The following POLE variants were observed in gnomAD, a reference collection of about 807,000 sequenced individuals.
The protein encoded by POLE is DNA polymerase epsilon catalytic subunit A.
In POLE, 188 loss-of-function variants were observed where a neutral mutation model predicts 279.2. That is an observed-to-expected ratio of 0.67 (90% confidence interval 0.60 to 0.76). The LOEUF (loss-of-function observed/expected upper bound fraction) is 0.76. Ranked by LOEUF, POLE falls within the 30% of genes least tolerant of loss-of-function variation. The pLI is 0.00. For missense variants in POLE, 2,703 were observed against 3,016.7 expected, an observed-to-expected ratio of 0.90 and a Z score of 2.44; for synonymous variants, 1,214 against 1,172.5, an observed-to-expected ratio of 1.04 and a Z score of -0.72.
At chr12:132,625,532 T>C in intron 47 of POLE, 113 bp downstream of exon 47, 2 of 1,378,362 alleles carry the variant, frequency 1.5e-6, no homozygotes, top group Non-Finnish European at 2.0e-6. Flanking sequence ...GGCAGGCCCC[T>C]TGGAAGACAC....
intron 9 of POLE, 48 bp downstream of exon 9, chr12:132,676,498 A>T: frequency 8.7e-7 from 1 of 1,144,146 alleles, no homozygotes; most frequent in Non-Finnish European, 1.3e-6. Context: ...TGGGGACCAG[A>T]CAAGGTCCCC....
intron 29 of POLE, among the ~76,000 whole-genome samples, chr12:132,650,098 A>G (rs1018160142): frequency 6.6e-6 from 1 of 152,096 alleles, no homozygotes; most frequent in Non-Finnish European, 1.5e-5. Context: ...GTCCCAAGCT[A>G]CTTGGTAGGC....
Position 132,625,423 on chromosome 12 carries a change from G to A in POLE, c.6657+222C>T, listed in dbSNP as rs533958647. On this transcript the variant is annotated intron_variant, in intron 47 of 48. Transcript: ENST00000320574. The stretch of plus-strand genomic sequence containing the variant: ...TGGGAGTGTCTGCCTCCTTCCGCTA[G>A]AACGAAGCACCCACAAGGCCAGCTC... 11 of 763,566 alleles carry A rather than the reference G, an allele frequency of 1.4e-5. No individual in the cohort carries two copies. In the African/African-American group the frequency reaches 1.7e-4, roughly 12 times the overall value. 47.3% of individuals were successfully genotyped at this position (763,566 alleles called of 1,614,324 possible).
chr12:132,631,667 A>C (rs2041936392), intron 45 of POLE, among the ~76,000 whole-genome samples: 2 of 152,096 alleles, frequency 1.3e-5, no homozygotes, highest in Admixed American at 1.3e-4. Context: ...CCTTGGACTC[A>C]GCCTGCCTTT....
chr12:132,640,254 C>T (rs1325215043), intron 39 of POLE, among the ~76,000 whole-genome samples: 1 of 152,254 alleles, frequency 6.6e-6, no homozygotes. Context: ...GGCACCCTCC[C>T]TGCCCAGGAG....
intron 29 of POLE, among the ~76,000 whole-genome samples, chr12:132,652,885 T>A (rs1280522018): frequency 6.6e-6 from 1 of 152,216 alleles, no homozygotes; most frequent in Non-Finnish European, 1.5e-5. Flanking sequence ...TGGTTATTCT[T>A]ATCCTTACCC....
rs780192918 is a variant in POLE at position 132,624,829 on chromosome 12, A to C, written c.6748-19T>G. The C allele has an allele frequency of 1.9e-6, 3 of 1,595,934 alleles. No individual in the cohort carries two copies. In the South Asian group the frequency reaches 3.3e-5, roughly 18 times the overall value. On this transcript the variant is annotated intron_variant, in intron 48 of 48. Transcript: ENST00000320574. Reference sequence around the variant, plus strand: ...TGAAGACCTGCAGGAATAAACAGGCACAGTGAGACCCCAGTCCACTCAGAG... The same window carrying C: ...TGAAGACCTGCAGGAATAAACAGGCCCAGTGAGACCCCAGTCCACTCAGAG...
chr12:132,626,088 G>A lies in POLE; in HGVS notation c.6531+29C>T, dbSNP rs755715342. 48 of 1,567,642 alleles carry A rather than the reference G, an allele frequency of 3.1e-5. No homozygotes were observed. Among genetic ancestry groups the A allele is most frequent in the Non-Finnish European group, 4.1e-5 (47 of 1,156,222 alleles). ...GTGCCCTCGGATGTTCTGCTCCACAGTGAAGGGCCCGCTGGAGCTCAGCCG... is the reference window on the plus strand; with the variant it reads ...GTGCCCTCGGATGTTCTGCTCCACAATGAAGGGCCCGCTGGAGCTCAGCCG... On this transcript the variant is annotated intron_variant, in intron 46 of 48. Transcript: ENST00000320574.
At position 132,636,424 on chromosome 12, in the gene POLE, C is replaced by T. The variant is rs2042033587; in HGVS notation, c.5679-400G>A. Among the ~76,000 whole-genome samples the T allele has an allele frequency of 5.0e-5, 6 of 119,284 alleles. No homozygotes were observed. In the South Asian group the frequency reaches 1.9e-3, roughly 37 times the overall value. The allele number at this position is 119,284 out of a possible 152,430, so 78.3% of individuals were successfully genotyped here. ...CCTAGCGCTGACCCAATCCTCTGCA[C>T]ATTAGATCCATTTAAGGAAAAAAAA... On this transcript the variant is annotated intron_variant, in intron 41 of 48. Coordinates refer to ENST00000320574, the MANE Select transcript of POLE (RefSeq NM_006231.4).
intron 4 of POLE, 43 bp from the exon 5 acceptor site, chr12:132,680,089 C>T: frequency 6.3e-7 from 1 of 1,595,314 alleles, no homozygotes. Context: ...TGGTAAAATA[C>T]ATTTCCTTCC....
chr12:132,662,804 GGGAACACGTGGAGCA>G (rs1309326060), intron 23 of POLE, among the ~76,000 whole-genome samples: 3 of 152,148 alleles, frequency 2.0e-5, no homozygotes, highest in Non-Finnish European at 4.4e-5. Flanking sequence ...GTGGCCCAAG[GGGAACACGTGGAGCA>G]GGAAGCCACT....
Position 132,672,278 on chromosome 12 carries a change from G to A in POLE, c.1731C>T (p.Thr577=), listed in dbSNP as rs1164316162. ...CCTCTTCCTCAAGGGCGTGGCGCAA[G>A]GTCTTCTCAACCCGCTGCAGCAGGA... is the stretch of plus-strand genomic sequence containing the variant. The part of the protein sequence containing the change: ...FDFLLQRVEK[T]LRHALEEEEK... The change falls in exon 16 of 49, where the codon ACC becomes ACT. Residue 577 remains threonine, a synonymous_variant. Transcript: ENST00000320574. 6.2e-7 allele frequency: 1 copy of A among 1,614,214 alleles called. No individual in the cohort carries two copies. The highest frequency in any genetic ancestry group is 8.5e-7 in the Non-Finnish European group (1 of 1,180,022).
In POLE at chr12:132,649,549, G is replaced by A. The variant is rs2138611018; in HGVS notation, c.3796-34C>T. 1.2e-6 allele frequency: 2 copies of A among 1,604,764 alleles called. No homozygotes were observed. Among genetic ancestry groups the A allele is most frequent in the Non-Finnish European group, 1.7e-6 (2 of 1,173,818 alleles). ...GATGGTGAGCACAGCCAGTGTGCAA[G>A]TGGTGAGATGGGAATGCCCGCCATG... On this transcript the variant is annotated intron_variant, in intron 30 of 48. Coordinates refer to ENST00000320574, the MANE Select transcript of POLE (RefSeq NM_006231.4).
chr12:132,659,370 T>C lies in POLE; in HGVS notation c.3200A>G (p.Gln1067Arg). The change falls in exon 26 of 49, where the codon CAG (glutamine) becomes CGG (arginine). Residue 1067 changes from glutamine (Q) to arginine (R), a missense_variant. Gln to Arg is a conservative substitution (Grantham distance 43, BLOSUM62 1). Around this residue, in one of 5 missense-constraint regions of POLE, gnomAD observed 1,551 missense variants for 1,686.1 expected, o/e 0.92. Coordinates refer to ENST00000320574, the MANE Select transcript of POLE (RefSeq NM_006231.4). ...ACTCAGCCCTGCATCCTTGACCATC[T>C]GGTCTCCCAGGAACTCGGCCAGGCG... Reference protein sequence around the residue: ...AKRLAEFLGDQMVKDAGLSCR... With the variant: ...AKRLAEFLGDRMVKDAGLSCR... The C allele has an allele frequency of 6.2e-7, 1 of 1,614,242 alleles. No individual in the cohort carries two copies. Among genetic ancestry groups the C allele is most frequent in the South Asian group, 1.1e-5 (1 of 91,088 alleles).
At chr12:132,654,466 C>T (rs1002251440) in intron 29 of POLE, among the ~76,000 whole-genome samples, 18 of 152,090 alleles carry the variant, frequency 1.2e-4, no homozygotes, top group African/African-American at 3.9e-4. Flanking sequence ...GGATACTGTC[C>T]GTTCCATCTA....
At chr12:132,644,413 A>ACTTCAGCCTCCC (rs1565941252) in intron 32 of POLE, among the ~76,000 whole-genome samples, 1 of 140,556 alleles carries the variant, frequency 7.1e-6, no homozygotes, top group South Asian at 2.2e-4. Context: ...TGATCCTCCC[A>ACTTCAGCCTCCC]AATCGCTGGA....
At position 132,634,859 on chromosome 12, in the gene POLE, C is replaced by G. The variant is rs2042003794; in HGVS notation, c.5812-481G>C. ...CCTGACCACACGCTGATCCCCTCCT[C>G]AGAGCGGTCTACACTGCCTGAGTTT... is the stretch of plus-strand genomic sequence containing the variant. On this transcript the variant is annotated intron_variant, in intron 42 of 48. Transcript: ENST00000320574. This position sits in a 1 kb window ranked among gnomAD's most constrained non-coding sequence, Gnocchi z 4.0. 6.6e-6 allele frequency among the ~76,000 whole-genome samples: 1 copy of G among 152,172 alleles called. No homozygotes were observed. Among genetic ancestry groups the G allele is most frequent in the Non-Finnish European group, 1.5e-5 (1 of 68,028 alleles).
Position 132,634,464 on chromosome 12 carries a change from C to T in POLE, c.5812-86G>A. On this transcript the variant is annotated intron_variant, in intron 42 of 48. Coordinates refer to ENST00000320574, the MANE Select transcript of POLE (RefSeq NM_006231.4). This position sits in a 1 kb window ranked among gnomAD's most constrained non-coding sequence, Gnocchi z 4.0. ...ATGCCACAGCGAAGGCTCCTCCAAC[C>T]TGGGTCCATCTGCCCCGTTTGACCA... 2 of 1,305,806 alleles carry T rather than the reference C, an allele frequency of 1.5e-6. No individual in the cohort carries two copies. The highest frequency in any genetic ancestry group is 1.3e-5 in the South Asian group (1 of 74,482). 80.9% of individuals were successfully genotyped at this position (1,305,806 alleles called of 1,614,324 possible).
intron 1 of POLE, among the ~76,000 whole-genome samples, chr12:132,683,294 TAG>T (rs2043204973): frequency 6.6e-6 from 1 of 151,670 alleles, no homozygotes; most frequent in Non-Finnish European, 1.5e-5. Context: ...GCAGGAGAGC[TAG>T]AGTCAGGAAG....
Sources: gnomAD v4.1 joint callset for allele counts (sites outside exome capture counted in the v4.1 genomes callset) on GRCh38, gnomAD v4.1.1 for gene constraint, gnomAD v4.1.1 regional missense constraint, Gnocchi (gnomAD v3.1) non-coding constraint, MANE v1.5 for transcripts, NCBI Gene and HGNC (gene_info 2026-07-23, HGNC 2026-07-21) for gene names.